Variants in RALGDS observed in about 807,000 individuals in gnomAD.
The protein encoded by RALGDS is ral guanine nucleotide exchange factor.
Under a neutral mutation model 99.8 loss-of-function variants are expected in RALGDS, and 44 were observed. The observed-to-expected ratio is 0.44, with a 90% CI of 0.35 to 0.57. The LOEUF (loss-of-function observed/expected upper bound fraction) is 0.57, where lower values mean the gene tolerates loss of function less well. Ranked by LOEUF, RALGDS falls within the 20% of genes least tolerant of loss-of-function variation. RALGDS has a pLI of 0.01. For synonymous variants in RALGDS, 529 were observed against 505.0 expected (o/e 1.05, Z -0.64); for missense variants, 1,022 against 1,203.1 (o/e 0.85, Z 2.23).
intron 10 of RALGDS, 77 bp from the exon 11 acceptor site, chr9:133,103,910 A>T: frequency 7.0e-7 from 1 of 1,422,422 alleles, no homozygotes; most frequent in Non-Finnish European, 9.9e-7. Flanking sequence ...AACTGGTCTC[A>T]CTTGGAACAG....
At chr9:133,117,136 C>T (rs773542373) in intron 1 of RALGDS, among the ~76,000 whole-genome samples, 5 of 152,220 alleles carry the variant, frequency 3.3e-5, no homozygotes, top group Non-Finnish European at 5.9e-5. Context: ...AGGCCGCTCC[C>T]CTGGCACCTA....
chr9:133,127,278 G>A (rs1387602066), intron 1 of RALGDS, among the ~76,000 whole-genome samples: 2 of 152,256 alleles, frequency 1.3e-5, no homozygotes, highest in African/African-American at 2.4e-5. Context: ...AGTTCAGAGC[G>A]GGAACTGGGC....
intron 1 of RALGDS, among the ~76,000 whole-genome samples, 198 bp from the exon 2 acceptor site, chr9:133,112,350 C>T (rs149204479): frequency 2.2e-4 from 33 of 152,198 alleles, no homozygotes; most frequent in African/African-American, 7.9e-4. Context: ...CCCGGCCAGC[C>T]ACGACCTGGG....
intron 7 of RALGDS, 136 bp downstream of exon 7, chr9:133,106,949 C>T: frequency 9.8e-7 from 1 of 1,020,342 alleles, no homozygotes; most frequent in Admixed American, 1.9e-5. Flanking sequence ...AGCATCCAGG[C>T]AGTGGGCTGG....
chr9:133,146,266 C>T (rs1258247995), intron 1 of RALGDS, among the ~76,000 whole-genome samples: 1 of 152,188 alleles, frequency 6.6e-6, no homozygotes, highest in South Asian at 2.1e-4. Flanking sequence ...TGGCTCACTG[C>T]ACTCATCACC....
intron 10 of RALGDS, 128 bp downstream of exon 10, chr9:133,104,135 G>A (rs992147383): frequency 7.6e-5 from 75 of 991,464 alleles, no homozygotes; most frequent in South Asian, 1.2e-4. Flanking sequence ...ATCCAGGTGT[G>A]GCTCTGCTAG....
intron 1 of RALGDS, among the ~76,000 whole-genome samples, chr9:133,139,255 C>G (rs754362694): frequency 2.0e-4 from 30 of 152,232 alleles, no homozygotes; most frequent in Non-Finnish European, 3.7e-4. Flanking sequence ...ACACCCTGCT[C>G]CCTGCATATC....
intron 1 of RALGDS, among the ~76,000 whole-genome samples, chr9:133,143,140 T>G (rs972704834): frequency 6.6e-6 from 1 of 152,232 alleles, no homozygotes; most frequent in Non-Finnish European, 1.5e-5. Flanking sequence ...CTGTGGAGAA[T>G]AGTCCTGTGG....
intron 2 of RALGDS, among the ~76,000 whole-genome samples, chr9:133,111,773 G>A (rs961292514): frequency 1.3e-5 from 2 of 152,230 alleles, no homozygotes; most frequent in Non-Finnish European, 2.9e-5. Context: ...ACAGCCTGAA[G>A]CCCTTTTGTC....
rs62576828 is a variant in RALGDS at position 133,113,651 on chromosome 9, T to C, written c.184-1499A>G. On this transcript the variant is annotated intron_variant, in intron 1 of 17. Transcript: ENST00000372050. ...CCCCTTTTCCTGACTCACACATCTC[T>C]CCCCTGCCTAGAAAGTTGTTCCTTT... Among the ~76,000 whole-genome samples, 1,038 of 152,110 alleles carry C rather than the reference T, an allele frequency of 6.8e-3. 9 individuals are homozygous for C. Among genetic ancestry groups the C allele is most frequent in the Middle Eastern group, 0.024 (7 of 294 alleles).
At chr9:133,108,596 C>T in intron 5 of RALGDS, 77 bp downstream of exon 5, 1 of 1,565,366 alleles carries the variant, frequency 6.4e-7, no homozygotes, top group Non-Finnish European at 8.7e-7. Context: ...GCACCAGACC[C>T]TGGAGCCTCC....
At chr9:133,104,180 G>A (rs1830903012) in intron 10 of RALGDS, 83 bp downstream of exon 10, 7 of 1,412,586 alleles carry the variant, frequency 5.0e-6, no homozygotes, top group South Asian at 1.2e-5. Flanking sequence ...GGGGCCCATA[G>A]GCACCGTGGC....
chr9:133,101,523 G>C lies in RALGDS; in HGVS notation c.2451C>G (p.Ile817Met). ...DVDNGNMYKS[I>M]LVTSQDKAPA... ...CAGGCCACCCCCGCCGGCTTACCAG[G>C]ATGCTCTTGTACATGTTGCCATTGT... Residue 817 changes from isoleucine to methionine, a missense_variant, in exon 16 of 18, where the codon ATC (isoleucine) becomes ATG (methionine). Ile to Met is a conservative substitution (Grantham distance 10). This residue lies in a region of RALGDS where 825 missense variants were observed against 994.5 expected (regional missense o/e 0.83). Transcript: ENST00000372050. The C allele has an allele frequency of 1.2e-6, 2 of 1,611,942 alleles. No homozygotes were observed. The highest frequency in any genetic ancestry group is 1.7e-6 in the Non-Finnish European group (2 of 1,179,942).
Position 133,121,070 on chromosome 9 carries a change from C to T in RALGDS, c.85G>A (p.Val29Met). 1.3e-6 allele frequency: 2 copies of T among 1,483,928 alleles called. No individual in the cohort carries two copies. The highest frequency in any genetic ancestry group is 8.9e-7 in the Non-Finnish European group (1 of 1,123,416). The allele number at this position is 1,483,928 out of a possible 1,614,324, so 91.9% of individuals were successfully genotyped here. A position where few individuals can be genotyped will look rare whatever the true frequency, so the allele number is the denominator to read the frequency against. Residue 29 changes from valine (V) to methionine (M), a missense_variant, in exon 1 of 18, where the codon GTG becomes ATG. Val to Met is a conservative substitution (Grantham distance 21). Transcript: ENST00000372050. Reference sequence around the variant, plus strand: ...ACCTCCAGGCGCACGGCGTCCCACACGCTGCGGCTCCGCCGGGAGCCCGGA... The same window carrying T: ...ACCTCCAGGCGCACGGCGTCCCACATGCTGCGGCTCCGCCGGGAGCCCGGA... ...LFPGSRRSRS[V>M]WDAVRLEVGV...
At chr9:133,127,631 C>A (rs923010678) in intron 1 of RALGDS, among the ~76,000 whole-genome samples, 1 of 152,218 alleles carries the variant, frequency 6.6e-6, no homozygotes, top group Non-Finnish European at 1.5e-5. Context: ...CTGGACCACG[C>A]GTGGGAACTC....
At position 133,121,165 on chromosome 9, in the gene RALGDS, C is replaced by CAGCGCG. The variant is rs1831917968; in HGVS notation, c.-17_-12dup. The stretch of plus-strand genomic sequence containing the variant: ...CATGCGCTGCACCATGGAAGGCTCG[C>CAGCGCG]AGCGCGGGCGCGGGGCCGGCCCGGC... On this transcript the variant is annotated 5_prime_UTR_variant, in exon 1 of 18. Coordinates refer to ENST00000372050, the MANE Select transcript of RALGDS (RefSeq NM_006266.4). The CAGCGCG allele has an allele frequency of 1.7e-6, 2 of 1,162,590 alleles. No homozygotes were observed. The highest frequency in any genetic ancestry group is 2.1e-6 in the Non-Finnish European group (2 of 943,226). 72.0% of individuals were successfully genotyped at this position (1,162,590 alleles called of 1,614,324 possible). A position where few individuals can be genotyped will look rare whatever the true frequency, so the allele number is the denominator to read the frequency against.
chr9:133,112,508 G>A (rs751191781), intron 1 of RALGDS, among the ~76,000 whole-genome samples: 2 of 152,196 alleles, frequency 1.3e-5, no homozygotes, highest in South Asian at 2.1e-4. Flanking sequence ...GAGGCTGAGA[G>A]AGGAACAACT....
At chr9:133,121,299 A>C, upstream of RALGDS, 4 of 296,460 alleles carry the variant, frequency 1.3e-5, no homozygotes, top group Non-Finnish European at 1.9e-5. Context: ...GGAGGGGAAG[A>C]GGGTGGGGCC....
chr9:133,138,416 C>CA (rs755746760), intron 1 of RALGDS, among the ~76,000 whole-genome samples: 15 of 152,176 alleles, frequency 9.9e-5, no homozygotes, highest in Admixed American at 5.2e-4. Context: ...GGATGCCTGA[C>CA]AAAGGACAGC....
Sources: allele counts gnomAD v4.1 joint callset (sites outside exome capture counted in the v4.1 genomes callset), GRCh38; gene constraint gnomAD v4.1.1; regional missense constraint gnomAD v4.1.1; transcripts MANE v1.5; gene names NCBI Gene and HGNC (gene_info 2026-07-23, HGNC 2026-07-21).